The following PECR variants were observed in gnomAD, a reference collection of about 807,000 sequenced individuals.
PECR encodes the protein 2,4-dienoyl-CoA reductase-related protein.
PECR carries 30 observed loss-of-function variants against 35.3 expected under a neutral mutation model. The ratio of observed to expected loss-of-function variants is 0.85; its 90% CI spans 0.64 to 1.15. The LOEUF (loss-of-function observed/expected upper bound fraction) is 1.15, where lower values mean the gene tolerates loss of function less well. Among genes scored for constraint, PECR ranks in the 50% most tolerant of loss-of-function variants. The probability of loss-of-function intolerance (pLI) is 0.00; values close to 1 mark genes in which losing one functional copy is unlikely to be tolerated. For synonymous variants in PECR, 148 were observed against 138.9 expected (o/e 1.07, Z -0.46); for missense variants, 392 against 370.8 (o/e 1.06, Z -0.47).
At chr2:216,045,066 T>C (rs1227590201) in intron 6 of PECR, among the ~76,000 whole-genome samples, 1 of 152,146 alleles carries the variant, frequency 6.6e-6, no homozygotes, top group Admixed American at 6.5e-5. Context: ...GGGTGCAAGA[T>C]TTAAGGAGGT....
At position 216,062,639 on chromosome 2, in the gene PECR, G is replaced by A. The variant is rs187482095; in HGVS notation, c.424+2673C>T. ...CATTTTAATTGCATAAGTAATATAT[G>A]GTCATATTAGAAAAAGTAGAAAGGG... is the stretch of plus-strand genomic sequence containing the variant. On this transcript the variant is annotated intron_variant, in intron 3 of 7. Transcript: ENST00000265322. 3.4e-4 allele frequency among the ~76,000 whole-genome samples: 52 copies of A among 152,020 alleles called. 1 individual carries two copies. In the East Asian group the frequency reaches 9.8e-3, roughly 29 times the overall value.
chr2:216,043,032 T>TATATATATATACATATAC (rs1559207797), intron 7 of PECR, among the ~76,000 whole-genome samples: 1 of 127,914 alleles, frequency 7.8e-6, no homozygotes, highest in African/African-American at 3.0e-5. Context: ...TACGTATATA[T>TATATATATATACATATAC]GTATGTGTAT....
downstream of PECR, among the ~76,000 whole-genome samples, chr2:216,036,110 G>A (rs943331723): frequency 1.3e-5 from 2 of 152,216 alleles, no homozygotes; most frequent in Non-Finnish European, 2.9e-5. Flanking sequence ...CATCCAATCA[G>A]GTGACTCACC....
intron 4 of PECR, among the ~76,000 whole-genome samples, chr2:216,054,677 T>C (rs1258365422): frequency 6.6e-6 from 1 of 151,928 alleles, no homozygotes; most frequent in Non-Finnish European, 1.5e-5. Flanking sequence ...CTATTGCCCA[T>C]GGAAAAATTA....
chr2:216,029,665 G>A (rs1042347991), intron 7 of PECR, among the ~76,000 whole-genome samples: 13 of 152,280 alleles, frequency 8.5e-5, no homozygotes, highest in Admixed American at 1.3e-4. Context: ...TCACAAACTC[G>A]CCAGAAGCTG....
chr2:216,056,066 C>A (rs1389958170), intron 4 of PECR, among the ~76,000 whole-genome samples: 5 of 152,022 alleles, frequency 3.3e-5, no homozygotes, highest in Non-Finnish European at 4.4e-5. Flanking sequence ...ATATCCAACA[C>A]CTTCTCTCTC....
At chr2:216,047,375 T>C (rs536071576) in intron 6 of PECR, among the ~76,000 whole-genome samples, 1 of 152,230 alleles carries the variant, frequency 6.6e-6, no homozygotes, top group African/African-American at 2.4e-5. Flanking sequence ...ATAACTCTTT[T>C]AAAGAGTTTC....
intron 4 of PECR, among the ~76,000 whole-genome samples, chr2:216,056,442 C>T (rs1293815658): frequency 2.0e-5 from 3 of 151,884 alleles, no homozygotes; most frequent in African/African-American, 4.8e-5. Context: ...AAATATCAGC[C>T]GGGTGTGGTG....
intron 1 of PECR, among the ~76,000 whole-genome samples, chr2:216,076,418 A>T (rs753571798): frequency 5.9e-5 from 9 of 152,302 alleles, no homozygotes; most frequent in African/African-American, 9.6e-5. Context: ...TAGTCTTGAG[A>T]AGTGAAAAAA....
chr2:216,049,360 G>A lies in PECR; in HGVS notation c.617C>T (p.Ser206Phe). 1 of 1,502,766 alleles carries A rather than the reference G, an allele frequency of 6.7e-7. No individual in the cohort carries two copies. Among genetic ancestry groups the A allele is most frequent in the South Asian group, 1.1e-5 (1 of 88,678 alleles). 93.1% of individuals were successfully genotyped at this position (1,502,766 alleles called of 1,614,324 possible). A position where few individuals can be genotyped will look rare whatever the true frequency, so the allele number is the denominator to read the frequency against. Residue 206 changes from serine (S) to phenylalanine (F), a missense_variant, in exon 6 of 8, where the codon TCC becomes TTC. Coordinates refer to ENST00000265322, the MANE Select transcript of PECR (RefSeq NM_018441.6). ...ACCATAGTTCTCCACAGCAGTCTGG[G>A]AATAAATAACTCCCTGTGTTTAAAA... ...INCVAPGVIY[S>F]QTAVENYGSW... is the part of the protein sequence containing the mutation.
chr2:216,044,228 C>G (rs971952560), intron 6 of PECR, among the ~76,000 whole-genome samples: 1 of 152,106 alleles, frequency 6.6e-6, no homozygotes, highest in Admixed American at 6.6e-5. Flanking sequence ...AGGTAGGTGA[C>G]TAGGGTAAAG....
At chr2:216,053,877 T>C (rs1478497964) in intron 4 of PECR, among the ~76,000 whole-genome samples, 4 of 152,184 alleles carry the variant, frequency 2.6e-5, no homozygotes, top group Non-Finnish European at 5.9e-5. Context: ...CAAAAATATA[T>C]ATTTTTTTAA....
chr2:216,074,686 T>C (rs1383270996), intron 1 of PECR, among the ~76,000 whole-genome samples: 1 of 152,202 alleles, frequency 6.6e-6, no homozygotes, highest in Non-Finnish European at 1.5e-5. Context: ...AGAAGTTTAC[T>C]AAATTATAAC....
In PECR at chr2:216,081,799, T is replaced by A; in HGVS notation, c.-58A>T. The A allele has an allele frequency of 5.0e-6, 8 of 1,592,202 alleles. No homozygotes were observed. Among genetic ancestry groups the A allele is most frequent in the Non-Finnish European group, 6.8e-6 (8 of 1,172,722 alleles). ...AGGCCCTTCTGGGTCTCAGGGACAT[T>A]CGAGGCGGGCGGGCGGACAGGGCGG... On this transcript the variant is annotated 5_prime_UTR_variant, in exon 1 of 8. Transcript: ENST00000265322.
At chr2:216,047,780 C>T (rs189596181) in intron 6 of PECR, among the ~76,000 whole-genome samples, 34 of 152,176 alleles carry the variant, frequency 2.2e-4, no homozygotes, top group South Asian at 8.3e-4. Flanking sequence ...ATAGAATCAG[C>T]GTGTTAAATT....
chr2:216,047,101 C>G (rs1695010846), intron 6 of PECR, among the ~76,000 whole-genome samples: 1 of 151,990 alleles, frequency 6.6e-6, no homozygotes, highest in Non-Finnish European at 1.5e-5. Context: ...AACCCTGTCT[C>G]TACAAAACTA....
chr2:216,058,775 G>C, intron 4 of PECR, 120 bp downstream of exon 4: 1 of 667,734 alleles, frequency 1.5e-6, no homozygotes, highest in Non-Finnish European at 2.7e-6. Context: ...TTAACTGTTA[G>C]AATCACAGCT....
At chr2:216,064,872 C>G (rs1401973517) in intron 3 of PECR, among the ~76,000 whole-genome samples, 1 of 152,162 alleles carries the variant, frequency 6.6e-6, no homozygotes, top group Admixed American at 6.5e-5. Flanking sequence ...TAACCACCCA[C>G]GAAACATGAC....
At position 216,081,806 on chromosome 2, in the gene PECR, G is replaced by T; in HGVS notation, c.-65C>A. 4 of 1,576,258 alleles carry T rather than the reference G, an allele frequency of 2.5e-6. No individual in the cohort carries two copies. The highest frequency in any genetic ancestry group is 2.3e-5 in the East Asian group (1 of 44,124). On this transcript the variant is annotated 5_prime_UTR_variant, in exon 1 of 8. Coordinates refer to ENST00000265322, the MANE Select transcript of PECR (RefSeq NM_018441.6). ...TCTGGGTCTCAGGGACATTCGAGGC[G>T]GGCGGGCGGACAGGGCGGTGCTCGA...
Sources: gnomAD v4.1 joint callset for allele counts (sites outside exome capture counted in the v4.1 genomes callset) on GRCh38, gnomAD v4.1.1 for gene constraint, MANE v1.5 for transcripts, NCBI Gene and HGNC (gene_info 2026-07-23, HGNC 2026-07-21) for gene names.